The following CENPT variants were observed in gnomAD, a reference collection of about 807,000 sequenced individuals.
CENPT encodes interphase centromere complex protein 22.
CENPT carries 42 observed loss-of-function variants against 59.7 expected under a neutral mutation model. The observed-to-expected ratio is 0.70, with a 90% CI of 0.55 to 0.91. CENPT has a LOEUF of 0.91. CENPT is among the 40% of genes least tolerant of loss of function. The pLI, the probability that CENPT is intolerant of heterozygous loss-of-function variation, is 0.00. For missense variants in CENPT, 716 were observed against 713.4 expected, an observed-to-expected ratio of 1.00 and a Z score of -0.04; for synonymous variants, 295 against 289.6, an observed-to-expected ratio of 1.02 and a Z score of -0.19.
At chr16:67,831,915 A>G (rs749520828) in intron 7 of CENPT, 25 bp from the exon 8 acceptor site, 2 of 1,606,926 alleles carry the variant, frequency 1.2e-6, no homozygotes, top group African/African-American at 1.3e-5. Context: ...CTTATCTCAG[A>G]CAGGCCAGGA....
At chr16:67,833,625 C>A in intron 4 of CENPT, 125 bp downstream of exon 4, 2 of 571,208 alleles carry the variant, frequency 3.5e-6, no homozygotes, top group South Asian at 5.4e-5. Context: ...CTGGGTTCCA[C>A]CCAGACCCTG....
intron 1 of CENPT, chr16:67,841,883 G>A (rs1352988154): frequency 6.6e-6 from 1 of 152,414 alleles, no homozygotes; most frequent in Non-Finnish European, 1.5e-5. Context: ...GGGGCTCGGG[G>A]CTGGGGAACT....
Position 67,834,777 on chromosome 16 carries a change from C to T in CENPT, c.-242+395G>A, listed in dbSNP as rs1041348733. On this transcript the variant is annotated intron_variant, in intron 3 of 15. Coordinates refer to ENST00000562787, the MANE Select transcript of CENPT (RefSeq NM_025082.4). Reference sequence around the variant, plus strand: ...ACACGAGCAATTTTGAGATGAATTCCGGCTCTCAAAAGTTCTATTAATGTT... The same window carrying T: ...ACACGAGCAATTTTGAGATGAATTCTGGCTCTCAAAAGTTCTATTAATGTT... Among the ~76,000 whole-genome samples the T allele has an allele frequency of 2.6e-5, 4 of 152,192 alleles. No homozygotes were observed. The East Asian group carries it at 5.8e-4, about 22-fold the overall frequency.
Position 67,831,996 on chromosome 16 carries a change from G to C in CENPT, c.386+16C>G. Reference sequence around the variant, plus strand: ...GCTGCCCATAGCACAATCCAAGGTGGGGGAGTTCTGTGTACCTGCCGCAAC... The same window carrying C: ...GCTGCCCATAGCACAATCCAAGGTGCGGGAGTTCTGTGTACCTGCCGCAAC... On this transcript the variant is annotated intron_variant, in intron 7 of 15. Coordinates refer to ENST00000562787, the MANE Select transcript of CENPT (RefSeq NM_025082.4). The C allele has an allele frequency of 6.3e-7, 1 of 1,592,708 alleles. No individual in the cohort carries two copies. Among genetic ancestry groups the C allele is most frequent in the Non-Finnish European group, 8.6e-7 (1 of 1,167,662 alleles).
In CENPT at chr16:67,843,662, C is replaced by CAAT; in HGVS notation, c.-492+3738_-492+3739insATT. 1 of 693,074 alleles carries CAAT rather than the reference C, an allele frequency of 1.4e-6. No individual in the cohort carries two copies. The highest frequency in any genetic ancestry group is 2.4e-6 in the Non-Finnish European group (1 of 417,596). The allele number at this position is 693,074 out of a possible 1,614,324, so 42.9% of individuals were successfully genotyped here. On this transcript the variant is annotated intron_variant, in intron 1 of 15. Coordinates refer to ENST00000562787, the MANE Select transcript of CENPT (RefSeq NM_025082.4). This position sits in a 1 kb window ranked among gnomAD's most constrained non-coding sequence, Gnocchi z 5.7. The stretch of plus-strand genomic sequence containing the variant: ...ACCTGGCATCCTCAATTGTTTCCTC[C>CAAT]TGAAGTGGAAGCTGGGGCCTTAGAC...
rs892367026 is a variant in CENPT at position 67,832,472 on chromosome 16, G to A, written c.184C>T (p.Arg62Cys). ...SGQTRTIARG[R>C]SHGARSVGRS... ...GTACTTACCCTGGCTCCATGGGAAC[G>A]CCCTCTGGCTATCGTCCTTGTTTGG... The change falls in exon 5 of 16, where the codon CGT becomes TGT. Residue 62 changes from arginine to cysteine, a missense_variant. Physicochemically the swap from Arg to Cys is radical, Grantham distance 180 (BLOSUM62 -3). Transcript: ENST00000562787. 2.0e-5 allele frequency: 33 copies of A among 1,614,052 alleles called. No individual in the cohort carries two copies. The highest frequency in any genetic ancestry group is 2.5e-5 in the Non-Finnish European group (29 of 1,180,016).
In CENPT at chr16:67,830,420, G is replaced by A; in HGVS notation, c.832C>T (p.Gln278Ter). The change falls in exon 11 of 16, where the codon CAG becomes TAG. Residue 278 changes from glutamine (Q) to a stop codon, truncating the protein, a stop_gained. Coordinates refer to ENST00000562787, the MANE Select transcript of CENPT (RefSeq NM_025082.4). LOFTEE classifies it high-confidence loss of function. ...DAEQAAGRKT[Q>*]SSGPGLQKNS... ...TTCTGCAGCCCAGGCCCACTGCTCTGTGTCTTGCGACCGGCAGCCTGCTCA... is the reference window on the plus strand; with the variant it reads ...TTCTGCAGCCCAGGCCCACTGCTCTATGTCTTGCGACCGGCAGCCTGCTCA... The A allele has an allele frequency of 6.2e-7, 1 of 1,613,866 alleles. No individual in the cohort carries two copies. Among genetic ancestry groups the A allele is most frequent in the Non-Finnish European group, 8.5e-7 (1 of 1,179,930 alleles).
In CENPT at chr16:67,842,554, C is replaced by T; in HGVS notation, c.-492+4847G>A. 1 of 1,521,694 alleles carries T rather than the reference C, an allele frequency of 6.6e-7. No individual in the cohort carries two copies. Among genetic ancestry groups the T allele is most frequent in the Non-Finnish European group, 8.8e-7 (1 of 1,130,184 alleles). 94.3% of individuals were successfully genotyped at this position (1,521,694 alleles called of 1,614,324 possible). On this transcript the variant is annotated intron_variant, in intron 1 of 15. Coordinates refer to ENST00000562787, the MANE Select transcript of CENPT (RefSeq NM_025082.4). This position sits in a 1 kb window ranked among gnomAD's most constrained non-coding sequence, Gnocchi z 4.9. ...GCCGGGCCGGGCCGCGCGGCGCAGC[C>T]ATGCCTGGCTTTACGTGCTGCGTGC...
chr16:67,831,033 G>A, intron 10 of CENPT, 183 bp downstream of exon 10: 1 of 763,516 alleles, frequency 1.3e-6, no homozygotes, highest in Non-Finnish European at 2.2e-6. Context: ...GAGACACCGA[G>A]GGACCAAGGA....
chr16:67,831,677 G>A, intron 8 of CENPT, 65 bp from the exon 9 acceptor site: 2 of 1,607,008 alleles, frequency 1.2e-6, no homozygotes, highest in Non-Finnish European at 8.5e-7. Flanking sequence ...GGCCTGTGAG[G>A]GCCCTCTCTC....
In CENPT at chr16:67,828,770, G is replaced by A. The variant is rs368958219; in HGVS notation, c.1354C>T (p.Arg452Trp). 20 of 1,609,492 alleles carry A rather than the reference G, an allele frequency of 1.2e-5. No homozygotes were observed. The African/African-American group carries it at 1.5e-4, about 12-fold the overall frequency. The change falls in exon 14 of 16, where the codon CGG becomes TGG. Residue 452 changes from arginine to tryptophan, a missense_variant. Coordinates refer to ENST00000562787, the MANE Select transcript of CENPT (RefSeq NM_025082.4). The stretch of plus-strand genomic sequence containing the variant: ...AGTCCAGCCTTGTGGGGATCTTGCC[G>A]GGGCCTGGGGCCGGTGGTCCGGGGC... ...PRPRTTGPRPRQDPHKAGLSH... is the reference protein window; with the variant it reads ...PRPRTTGPRPWQDPHKAGLSH...
Position 67,828,477 on chromosome 16 carries a change from C to T in CENPT, c.1559G>A (p.Arg520Gln), listed in dbSNP as rs200300063. Reference protein sequence around the residue: ...VKPEDLELLMRRQGLVTDQVS... With the variant: ...VKPEDLELLMQRQGLVTDQVS... ...CCCACACCTTCCGCCTTCTCACCGC[C>T]GCATCAGCAGCTCCAGGTCCTCTGG... The change falls in exon 15 of 16, where the codon CGG becomes CAG. Residue 520 changes from arginine to glutamine, a missense_variant. By Grantham distance (43) the Arg-to-Gln change is conservative. Coordinates refer to ENST00000562787, the MANE Select transcript of CENPT (RefSeq NM_025082.4). The T allele has an allele frequency of 5.9e-5, 95 of 1,614,232 alleles. No individual in the cohort carries two copies. The highest frequency in any genetic ancestry group is 2.2e-4 in the East Asian group (10 of 44,886).
At chr16:67,847,297 G>C (rs970337962) in intron 1 of CENPT, 104 bp downstream of exon 1, 3 of 152,380 alleles carry the variant, frequency 2.0e-5, no homozygotes, top group African/African-American at 7.2e-5. Context: ...TCCGGATGGG[G>C]CCTTAGGGCC....
chr16:67,843,490 C>T lies in CENPT; in HGVS notation c.-492+3911G>A, dbSNP rs1238459817. On this transcript the variant is annotated intron_variant, in intron 1 of 15. Coordinates refer to ENST00000562787, the MANE Select transcript of CENPT (RefSeq NM_025082.4). This position sits in a 1 kb window ranked among gnomAD's most constrained non-coding sequence, Gnocchi z 5.7. ...CCATGGCTGTCATCCGCAAGAAGCA[C>T]GGAATGTGAACTGGTGCCCCGGCAG... The T allele has an allele frequency of 6.2e-7, 1 of 1,608,690 alleles. No homozygotes were observed.
At chr16:67,841,590 C>T (rs575949584) in intron 1 of CENPT, 7 of 152,170 alleles carry the variant, frequency 4.6e-5, no homozygotes, top group South Asian at 2.1e-4. Flanking sequence ...GACATCCATT[C>T]GCGTGCATTC....
At chr16:67,830,253 A>C (rs772266174) in intron 11 of CENPT, 137 bp downstream of exon 11, 1 of 1,266,490 alleles carries the variant, frequency 7.9e-7, no homozygotes, top group Non-Finnish European at 1.1e-6. Flanking sequence ...CCCAACATGG[A>C]CTCTGCTCTT....
In CENPT at chr16:67,833,994, C is replaced by G; in HGVS notation, c.-135G>C. The stretch of plus-strand genomic sequence containing the variant: ...GTAGTTCTCGCACTATCGCAGCTCG[C>G]GGGGTGGACAGTGATGGTTGCAAAC... On this transcript the variant is annotated 5_prime_UTR_variant, in exon 4 of 16. Coordinates refer to ENST00000562787, the MANE Select transcript of CENPT (RefSeq NM_025082.4). The G allele has an allele frequency of 1.7e-6, 1 of 582,036 alleles. No individual in the cohort carries two copies. Among genetic ancestry groups the G allele is most frequent in the Non-Finnish European group, 2.8e-6 (1 of 358,186 alleles). The allele number at this position is 582,036 out of a possible 1,614,324, so 36.1% of individuals were successfully genotyped here.
Position 67,828,851 on chromosome 16 carries a change from C to T in CENPT, c.1281-8G>A. 1 of 1,571,834 alleles carries T rather than the reference C, an allele frequency of 6.4e-7. No homozygotes were observed. The highest frequency in any genetic ancestry group is 1.4e-5 in the African/African-American group (1 of 72,346). ...GCAGGCTCTGAAGATAAGCTGAGGG[C>T]AACAGTGGACAGAGGGGGCTGAACT... is the stretch of plus-strand genomic sequence containing the variant. On this transcript the variant is annotated splice_region_variant and splice_polypyrimidine_tract_variant and intron_variant, in intron 13 of 15. Transcript: ENST00000562787.
In CENPT at chr16:67,843,084, C is replaced by T; in HGVS notation, c.-492+4317G>A. ...GCTCCGGGATCCGTACAGCCGGCGC[C>T]CATCACTCCCACTGGAGAAGACGTG... On this transcript the variant is annotated intron_variant, in intron 1 of 15. Transcript: ENST00000562787. This position sits in a 1 kb window ranked among gnomAD's most constrained non-coding sequence, Gnocchi z 5.7. The T allele has an allele frequency of 1.9e-6, 3 of 1,611,322 alleles. No homozygotes were observed. The highest frequency in any genetic ancestry group is 2.5e-6 in the Non-Finnish European group (3 of 1,180,016).
Sources: allele counts gnomAD v4.1 joint callset (sites outside exome capture counted in the v4.1 genomes callset), GRCh38; gene constraint gnomAD v4.1.1; non-coding constraint Gnocchi (gnomAD v3.1); transcripts MANE v1.5; gene names NCBI Gene and HGNC (gene_info 2026-07-23, HGNC 2026-07-21).